DTNA: variants seen among roughly 807,000 people sequenced by gnomAD.
DTNA encodes dystrophin-related protein 3.
A neutral mutation model predicts 100.7 loss-of-function variants in DTNA; 43 were observed. The ratio of observed to expected loss-of-function variants is 0.43; its 90% CI spans 0.33 to 0.55. The LOEUF is 0.55. Among genes scored for constraint, DTNA ranks in the 20% least tolerant of loss-of-function variants. The pLI, the probability that DTNA is intolerant of heterozygous loss-of-function variation, is 0.04. For missense variants in DTNA, 798 were observed against 953.9 expected (o/e 0.84, Z 2.15); for synonymous variants, 349 against 347.9 (o/e 1.00, Z -0.04).
Position 34,647,907 on chromosome 18 carries a change from G to A in DTNA, c.-1-108069G>A, listed in dbSNP as rs73946113. Among the ~76,000 whole-genome samples the A allele has an allele frequency of 3.6e-3, 551 of 152,304 alleles. 6 individuals are homozygous for A. Among genetic ancestry groups the A allele is most frequent in the African/African-American group, 0.013 (529 of 41,574 alleles). On this transcript the variant is annotated intron_variant, in intron 1 of 19. Transcript: ENST00000283365. ...TTAATGCATGCCTACCTCCATGGAT[G>A]AATGAATGAAAATATATGAGGGGGA...
intron 16 of DTNA, 103 bp from the exon 17 acceptor site, chr18:34,863,863 A>C: frequency 9.0e-7 from 1 of 1,111,360 alleles, no homozygotes; most frequent in Non-Finnish European, 1.3e-6. Context: ...TCAGAGACCC[A>C]GAGATGCCCT....
intron 1 of DTNA, among the ~76,000 whole-genome samples, chr18:34,605,010 TG>T (rs1420601485): frequency 2.0e-5 from 3 of 148,918 alleles, no homozygotes; most frequent in East Asian, 1.9e-4. Flanking sequence ...ATTTGTCTTT[TG>T]TTTTTTTTAA....
chr18:34,654,733 A>AT (rs879267874), intron 1 of DTNA, among the ~76,000 whole-genome samples: 145 of 146,976 alleles, frequency 9.9e-4, no homozygotes, highest in Admixed American at 1.7e-3. Context: ...TCTGTAAATA[A>AT]TTTTTTTTTT....
intron 8 of DTNA, 72 bp downstream of exon 8, chr18:34,818,402 G>A (rs1301507803): frequency 1.3e-6 from 2 of 1,573,188 alleles, no homozygotes; most frequent in Non-Finnish European, 8.6e-7. Flanking sequence ...GAATATCAAG[G>A]ATGGTGGCAG....
rs766599616 is a variant in DTNA at position 34,815,902 on chromosome 18, T to A, written c.604-7T>A. 1.8e-5 allele frequency: 29 copies of A among 1,612,858 alleles called. No individual in the cohort carries two copies. The highest frequency in any genetic ancestry group is 8.9e-5 in the East Asian group (4 of 44,856). ...GTCCTAAATTTATGGGGGGTTTTTT[T>A]ATGCAGAAAAAAGTCACGTTAAATG... On this transcript the variant is annotated splice_polypyrimidine_tract_variant and splice_region_variant and intron_variant, in intron 6 of 22. Transcript: ENST00000444659.
At chr18:34,707,114 G>T (rs1052018297), upstream of DTNA, among the ~76,000 whole-genome samples, 1 of 152,056 alleles carries the variant, frequency 6.6e-6, no homozygotes, top group Non-Finnish European at 1.5e-5. Flanking sequence ...CAGCCATGTT[G>T]CTTAATTTAA....
chr18:34,858,174 A>G, intron 15 of DTNA, 111 bp from the exon 16 acceptor site: 1 of 1,004,266 alleles, frequency 1.0e-6, no homozygotes, highest in Admixed American at 2.0e-5. Context: ...TTCTGCTCCT[A>G]AACATAGGAT....
chr18:34,512,647 A>G (rs1015165560), intron 1 of DTNA, among the ~76,000 whole-genome samples: 2 of 152,052 alleles, frequency 1.3e-5, no homozygotes, highest in African/African-American at 2.4e-5. Context: ...TAACTCCACA[A>G]TGGTGGTGGT....
intron 1 of DTNA, among the ~76,000 whole-genome samples, chr18:34,602,820 T>G (rs550981248): frequency 6.6e-6 from 1 of 151,628 alleles, no homozygotes; most frequent in Non-Finnish European, 1.5e-5. Context: ...CCTGGCCACA[T>G]AGTGAAACCC....
At chr18:34,690,954 G>A (rs73946136) in intron 1 of DTNA, among the ~76,000 whole-genome samples, 2,214 of 152,156 alleles carry the variant, frequency 0.015, 41 homozygotes, top group African/African-American at 0.047. Context: ...TAGGAAACTC[G>A]GGTTCACAGA....
Position 34,649,414 on chromosome 18 carries a change from C to A in DTNA, c.-1-106562C>A, listed in dbSNP as rs538571136. Among the ~76,000 whole-genome samples the A allele has an allele frequency of 3.2e-4, 48 of 152,306 alleles. No homozygotes were observed. The South Asian group carries it at 9.9e-3, about 32-fold the overall frequency. On this transcript the variant is annotated intron_variant, in intron 1 of 19. Transcript: ENST00000283365. The stretch of plus-strand genomic sequence containing the variant: ...CGTTATACCCACGATCAGTGAAATA[C>A]TTCTGGTAGGTTCCCTCCCTCAACC...
In DTNA at chr18:34,821,043, C is replaced by T. The variant is rs1442065130; in HGVS notation, c.1001+128C>T. 3 of 1,346,282 alleles carry T rather than the reference C, an allele frequency of 2.2e-6. No individual in the cohort carries two copies. In the African/African-American group the frequency reaches 4.4e-5, roughly 20 times the overall value. The allele number at this position is 1,346,282 out of a possible 1,614,324, so 83.4% of individuals were successfully genotyped here. A position where few individuals can be genotyped will look rare whatever the true frequency, so the allele number is the denominator to read the frequency against. The stretch of plus-strand genomic sequence containing the variant: ...TTTAATTTAGTTTAAAAAAAAAAGT[C>T]AGAGTAATGCCATCATAATTTTTTG... On this transcript the variant is annotated intron_variant, in intron 9 of 22. Coordinates refer to ENST00000444659, the MANE Select transcript of DTNA (RefSeq NM_001386795.1).
At chr18:34,689,351 G>C (rs1394425044) in intron 1 of DTNA, among the ~76,000 whole-genome samples, 3 of 152,078 alleles carry the variant, frequency 2.0e-5, no homozygotes, top group Non-Finnish European at 4.4e-5. Flanking sequence ...TGTTGTTGTT[G>C]ATGTTGATGC....
intron 4 of DTNA, among the ~76,000 whole-genome samples, chr18:34,797,006 G>T (rs1468453157): frequency 6.6e-6 from 1 of 152,120 alleles, no homozygotes; most frequent in Non-Finnish European, 1.5e-5. Context: ...TCAGTTTCCT[G>T]GTTGCAAGAT....
At chr18:34,568,822 CTA>C (rs1337309535) in intron 1 of DTNA, among the ~76,000 whole-genome samples, 1 of 152,104 alleles carries the variant, frequency 6.6e-6, no homozygotes, top group Non-Finnish European at 1.5e-5. Flanking sequence ...TGGGGTTTCA[CTA>C]TGTTGGCCAG....
At chr18:34,852,873 A>G (rs2096498134) in intron 15 of DTNA, among the ~76,000 whole-genome samples, 1 of 152,180 alleles carries the variant, frequency 6.6e-6, no homozygotes, top group Admixed American at 6.5e-5. Context: ...TCTCAATTAC[A>G]TACCCCTGTG....
chr18:34,707,601 T>C (rs2082277012), upstream of DTNA, among the ~76,000 whole-genome samples: 3 of 151,836 alleles, frequency 2.0e-5, no homozygotes, highest in South Asian at 2.1e-4. Context: ...ATTTACAAAA[T>C]GAAAAACAAT....
At chr18:34,772,641 G>C (rs1193626465) in intron 3 of DTNA, among the ~76,000 whole-genome samples, 2 of 152,124 alleles carry the variant, frequency 1.3e-5, no homozygotes, top group African/African-American at 4.8e-5. Context: ...TAGTGTATCA[G>C]TATTTTCCTC....
At chr18:34,811,877 G>T (rs1602474151) in intron 5 of DTNA, 82 bp from the exon 6 acceptor site, 5 of 1,520,276 alleles carry the variant, frequency 3.3e-6, no homozygotes, top group South Asian at 2.4e-5. Flanking sequence ...CTACTTTTTT[G>T]TCATTTGTAG....
Sources: allele counts gnomAD v4.1 joint callset (sites outside exome capture counted in the v4.1 genomes callset), GRCh38; gene constraint gnomAD v4.1.1; transcripts MANE v1.5; gene names NCBI Gene and HGNC (gene_info 2026-07-23, HGNC 2026-07-21).